The following CYSLTR1 variants were observed in gnomAD, a reference collection of about 807,000 sequenced individuals.
CYSLTR1 encodes the protein G-protein coupled receptor HG55.
A neutral mutation model predicts 2.1 loss-of-function variants in CYSLTR1; 1 was observed. The observed-to-expected ratio is 0.48, with a 90% CI of 0.17 to 2.28. The LOEUF is 2.28. Ranked by LOEUF, CYSLTR1 falls within the 30% of genes most tolerant of loss-of-function variation. CYSLTR1 has a pLI of 0.26. For synonymous variants in CYSLTR1, 110 were observed against 89.6 expected (o/e 1.23, Z -1.28); for missense variants, 299 against 250.1 (o/e 1.20, Z -1.32).
intron 1 of CYSLTR1, among the ~76,000 whole-genome samples, chrX:78,304,155 G>A (rs1318635818): frequency 8.9e-6 from 1 of 111,817 alleles, no homozygotes; most frequent in Non-Finnish European, 1.9e-5. Flanking sequence ...TTCTAGATTT[G>A]AAAGTGATTT....
intron 1 of CYSLTR1, chrX:78,319,284 G>A (rs1923546314): frequency 1.4e-5 from 1 of 69,884 alleles, no homozygotes; most frequent in East Asian, 4.8e-4. Context: ...CCCACAACAG[G>A]CCCCAGTGTG....
chrX:78,273,260 G>T lies in CYSLTR1; in HGVS notation c.487C>A (p.Pro163Thr), dbSNP rs762291403. Residue 163 changes from proline (P) to threonine (T), a missense_variant, in exon 3 of 3, where the codon CCA becomes ACA. Coordinates refer to ENST00000373304, the MANE Select transcript of CYSLTR1 (RefSeq NM_006639.4). ...GTATTATTTTTCTCATCTTTTTGTG[G>T]TTTGGCCATTAGAAATGGAGAACTG... ...LTSSPFLMAK[P>T]QKDEKNNTKC... 2 of 1,209,779 alleles carry T rather than the reference G, an allele frequency of 1.7e-6. No homozygotes were observed. Among genetic ancestry groups the T allele is most frequent in the Admixed American group, 4.4e-5 (2 of 45,731 alleles).
At chrX:78,300,374 G>A (rs1033274609) in intron 1 of CYSLTR1, among the ~76,000 whole-genome samples, 6 of 112,598 alleles carry the variant, frequency 5.3e-5, no homozygotes, top group Admixed American at 3.8e-4. Flanking sequence ...CTGTGTCAGG[G>A]CATTGAAAAA....
chrX:78,286,984 T>C (rs1284091908), intron 1 of CYSLTR1, among the ~76,000 whole-genome samples: 1 of 111,913 alleles, frequency 8.9e-6, no homozygotes, highest in Non-Finnish European at 1.9e-5. Context: ...CTTATTCAAA[T>C]ATTTCACACA....
rs1177410287 is a variant in CYSLTR1 at position 78,272,874 on chromosome X, G to T, written c.873C>A (p.Asp291Glu). 1 of 1,211,323 alleles carries T rather than the reference G, an allele frequency of 8.3e-7. No homozygotes were observed. The highest frequency in any genetic ancestry group is 1.1e-6 in the Non-Finnish European group (1 of 895,430). Residue 291 changes from aspartate (D) to glutamate (E), a missense_variant, in exon 3 of 3, where the codon GAC becomes GAA. Physicochemically the swap from Asp to Glu is conservative, Grantham distance 45. Coordinates refer to ENST00000373304, the MANE Select transcript of CYSLTR1 (RefSeq NM_006639.4). ...LSLAASNCCF[D>E]PLLYFFSGGN... The stretch of plus-strand genomic sequence containing the variant: ...CCCCAGAAAAGAAATATAGGAGAGG[G>T]TCAAAGCAACAATTGGATGCAGCCA...
At chrX:78,322,023 G>T (rs1295200549) in intron 1 of CYSLTR1, among the ~76,000 whole-genome samples, 2 of 111,459 alleles carry the variant, frequency 1.8e-5, no homozygotes, top group Non-Finnish European at 3.8e-5. Flanking sequence ...AGCAGAAGAG[G>T]AAGTGGGGAG....
At chrX:78,273,993 G>A (rs182784056) in intron 2 of CYSLTR1, among the ~76,000 whole-genome samples, 3 of 110,426 alleles carry the variant, frequency 2.7e-5, no homozygotes, top group African/African-American at 9.9e-5. Flanking sequence ...TCCCACCCAT[G>A]TTTTTCTGAT....
chrX:78,310,937 T>C (rs1026744337), intron 1 of CYSLTR1, among the ~76,000 whole-genome samples: 1 of 109,669 alleles, frequency 9.1e-6, no homozygotes, highest in Non-Finnish European at 1.9e-5. Context: ...GGCTTAAAAG[T>C]GAGAAATTAG....
In CYSLTR1 at chrX:78,271,707, T is replaced by G. The variant is rs1238150714; in HGVS notation, c.*1026A>C. 1 of 111,970 alleles carries G rather than the reference T, an allele frequency of 8.9e-6. No individual in the cohort carries two copies. Among genetic ancestry groups the G allele is most frequent in the African/African-American group, 3.2e-5 (1 of 30,848 alleles). 9.2% of individuals were successfully genotyped at this position (111,970 alleles called of 1,213,427 possible). A position where few individuals can be genotyped will look rare whatever the true frequency, so the allele number is the denominator to read the frequency against. ...AGTAATAAAGCAATAATAAAACTTA[T>G]CGTGAACTTTCACCCATAATGCATA... is the stretch of plus-strand genomic sequence containing the variant. On this transcript the variant is annotated 3_prime_UTR_variant, in exon 3 of 3. Transcript: ENST00000373304.
chrX:78,284,315 C>T (rs187121184), intron 1 of CYSLTR1, among the ~76,000 whole-genome samples: 174 of 112,311 alleles, frequency 1.5e-3, no homozygotes, highest in African/African-American at 5.4e-3. Flanking sequence ...CCTCCAGAGG[C>T]TAGCTACTAT....
intron 1 of CYSLTR1, 113 bp from the exon 2 acceptor site, chrX:78,283,653 C>A (rs1921932831): frequency 8.9e-6 from 1 of 112,079 alleles, no homozygotes; most frequent in South Asian, 3.7e-4. Context: ...GGCATCAAAT[C>A]TTTACTGACA....
intron 2 of CYSLTR1, among the ~76,000 whole-genome samples, chrX:78,279,065 C>T (rs1036449044): frequency 4.5e-5 from 5 of 111,837 alleles, no homozygotes; most frequent in African/African-American, 6.5e-5. Flanking sequence ...GATTTCATGA[C>T]GAAAACATCA....
At chrX:78,285,149 C>A (rs1922008215) in intron 1 of CYSLTR1, among the ~76,000 whole-genome samples, 2 of 111,622 alleles carry the variant, frequency 1.8e-5, no homozygotes, top group Admixed American at 1.9e-4. Context: ...AAAATCCTTT[C>A]TGGCTGGGTG....
chrX:78,289,843 A>T (rs1268893187), intron 1 of CYSLTR1, among the ~76,000 whole-genome samples: 1 of 111,355 alleles, frequency 9.0e-6, no homozygotes, highest in Non-Finnish European at 1.9e-5. Context: ...GTTTAAGTTC[A>T]TTGTAGATTC....
At chrX:78,315,754 G>A (rs1345630971) in intron 1 of CYSLTR1, among the ~76,000 whole-genome samples, 2 of 112,238 alleles carry the variant, frequency 1.8e-5, no homozygotes, top group Non-Finnish European at 3.8e-5. Flanking sequence ...TAGCACACCA[G>A]GTAGACATCT....
intron 2 of CYSLTR1, among the ~76,000 whole-genome samples, chrX:78,279,257 A>T (rs949941502): frequency 1.8e-5 from 2 of 110,762 alleles, no homozygotes; most frequent in African/African-American, 6.5e-5. Flanking sequence ...TTAAATCAAC[A>T]TGCAAAAAAA....
chrX:78,290,644 TG>T (rs1922282533), intron 1 of CYSLTR1, among the ~76,000 whole-genome samples: 1 of 111,939 alleles, frequency 8.9e-6, no homozygotes, highest in South Asian at 3.7e-4. Flanking sequence ...AGCAGTGGTT[TG>T]TATTTCTCCT....
chrX:78,298,278 G>C (rs1195738757), intron 1 of CYSLTR1, among the ~76,000 whole-genome samples: 1 of 111,737 alleles, frequency 8.9e-6, no homozygotes, highest in East Asian at 2.8e-4. Context: ...TTTAAGACTT[G>C]TTTTGTGACC....
intron 1 of CYSLTR1, among the ~76,000 whole-genome samples, chrX:78,324,715 T>C (rs780741464): frequency 2.1e-4 from 24 of 112,117 alleles, no homozygotes; most frequent in Non-Finnish European, 3.8e-4. Flanking sequence ...TACTGACTAA[T>C]CTATCTTTTG....
Sources: gnomAD v4.1 joint callset for allele counts (sites outside exome capture counted in the v4.1 genomes callset) on GRCh38, gnomAD v4.1.1 for gene constraint, MANE v1.5 for transcripts, NCBI Gene and HGNC (gene_info 2026-07-23, HGNC 2026-07-21) for gene names.